Variants in RAF1 observed in about 807,000 individuals in gnomAD.
RAF1 encodes Raf-1 proto-oncogene, serine/threonine kinase, also known as RAF proto-oncogene serine/threonine-protein kinase.
RAF1 carries 27 observed loss-of-function variants against 81.1 expected under a neutral mutation model. The observed-to-expected ratio is 0.33, with a 90% CI of 0.25 to 0.46. RAF1 has a LOEUF of 0.46. Among genes scored for constraint, RAF1 ranks in the 20% least tolerant of loss-of-function variants. The pLI is 1.00. For synonymous variants in RAF1, 298 were observed against 294.0 expected (o/e 1.01, Z -0.14); for missense variants, 598 against 826.0 (o/e 0.72, Z 3.38).
At chr3:12,615,137 C>G (rs2059334264) in intron 2 of RAF1, among the ~76,000 whole-genome samples, 1 of 152,100 alleles carries the variant, frequency 6.6e-6, no homozygotes, top group East Asian at 1.9e-4. Context: ...GGAATAAAGC[C>G]CATTCATACA....
intron 11 of RAF1, among the ~76,000 whole-genome samples, chr3:12,597,507 G>A (rs1173464318): frequency 6.6e-6 from 1 of 152,192 alleles, no homozygotes; most frequent in Admixed American, 6.5e-5. Flanking sequence ...AATATCCATT[G>A]CTCTGCCTCC....
intron 11 of RAF1, among the ~76,000 whole-genome samples, chr3:12,596,903 CT>C (rs145040302): frequency 1.1e-3 from 158 of 146,532 alleles, no homozygotes; most frequent in Non-Finnish European, 1.1e-3. Context: ...AACCTAGAAT[CT>C]TTTTTTTTTT....
chr3:12,629,849 G>T (rs2059811623), intron 1 of RAF1, among the ~76,000 whole-genome samples: 5 of 152,178 alleles, frequency 3.3e-5, no homozygotes, highest in African/African-American at 1.2e-4. Context: ...GCAGTGGCAT[G>T]ATCATGGCTC....
At chr3:12,628,774 C>T in intron 1 of RAF1, among the ~76,000 whole-genome samples, 1 of 142,692 alleles carries the variant, frequency 7.0e-6, no homozygotes, top group Non-Finnish European at 1.5e-5. Context: ...TGGCGGGGCA[C>T]ATGGTCTCAC....
At chr3:12,609,577 T>TG (rs2059146886) in intron 3 of RAF1, among the ~76,000 whole-genome samples, 1 of 152,212 alleles carries the variant, frequency 6.6e-6, no homozygotes, top group African/African-American at 2.4e-5. Flanking sequence ...TAAGGGCCTA[T>TG]GTTGGAATCT....
Position 12,584,961 on chromosome 3 carries a change from T to C in RAF1, c.1749A>G (p.Arg583=), listed in dbSNP as rs1358420019. ...TACTAAGATCTGGGGAGGCATATCC[T>C]CGGCCCACCATGAAGATGATCTAAG... The change falls in exon 17 of 18, where the codon CGA becomes CGG. Residue 583 remains arginine, a synonymous_variant. Coordinates refer to ENST00000442415, the MANE Select transcript of RAF1 (RefSeq NM_001354689.3). 5 of 1,613,998 alleles carry C rather than the reference T, an allele frequency of 3.1e-6. No individual in the cohort carries two copies. The Admixed American group carries it at 8.3e-5, about 27-fold the overall frequency.
Position 12,585,259 on chromosome 3 carries a change from T to C in RAF1, c.1597-6A>G, listed in dbSNP as rs1409860132. On this transcript the variant is annotated splice_region_variant and splice_polypyrimidine_tract_variant and intron_variant, in intron 15 of 17. Transcript: ENST00000442415. ...ATTCGGATCACCTCTGGGGCCTACA[T>C]GTATCACCATATGACAAAAGTGCAT... 2 of 1,613,874 alleles carry C rather than the reference T, an allele frequency of 1.2e-6. No individual in the cohort carries two copies.
chr3:12,612,755 G>C (rs2059255532), intron 2 of RAF1, among the ~76,000 whole-genome samples: 1 of 151,850 alleles, frequency 6.6e-6, no homozygotes, highest in Non-Finnish European at 1.5e-5. Context: ...TGGTTAGAAA[G>C]TGGTTAAGAA....
chr3:12,659,017 G>A (rs1202939862), intron 1 of RAF1, among the ~76,000 whole-genome samples: 4 of 151,966 alleles, frequency 2.6e-5, no homozygotes, highest in Admixed American at 2.6e-4. Context: ...AGTCATTCTG[G>A]GAGAAAAGAA....
At chr3:12,585,453 CA>C (rs966568264) in intron 15 of RAF1, 200 bp from the exon 15 acceptor site, 5 of 984,850 alleles carry the variant, frequency 5.1e-6, no homozygotes, top group Admixed American at 1.2e-4. Context: ...GACCAAGACC[CA>C]GCATTTCTGT....
intron 1 of RAF1, among the ~76,000 whole-genome samples, chr3:12,641,963 T>C (rs2060200805): frequency 6.6e-6 from 1 of 150,926 alleles, no homozygotes; most frequent in Non-Finnish European, 1.5e-5. Context: ...TGGGCCAACA[T>C]GGTGAAACCC....
intron 10 of RAF1, 81 bp downstream of exon 9, chr3:12,600,071 A>G (rs921774199): frequency 9.5e-6 from 15 of 1,577,490 alleles, no homozygotes; most frequent in African/African-American, 2.7e-5. Context: ...TTCTCCCAAA[A>G]TAAGTTTAAG....
chr3:12,604,100 T>C (rs780150871), intron 7 of RAF1, 36 bp downstream of exon 7: 3 of 1,612,386 alleles, frequency 1.9e-6, no homozygotes, highest in Non-Finnish European at 2.5e-6. Context: ...ACCCCATTAA[T>C]TGACTGACAT....
chr3:12,584,479 C>CA lies in RAF1; in HGVS notation c.*34_*35insT. On this transcript the variant is annotated 3_prime_UTR_variant, in exon 18 of 18. Transcript: ENST00000442415. Reference sequence around the variant, plus strand: ...AAGTGGTGCCTGCTGGCTTCTCCTCCTCCCCTGGCAGCCTGAAGACAGGTG... The same window carrying CA: ...AAGTGGTGCCTGCTGGCTTCTCCTCCATCCCCTGGCAGCCTGAAGACAGGTG... 1 of 1,614,044 alleles carries CA rather than the reference C, an allele frequency of 6.2e-7. No homozygotes were observed. The highest frequency in any genetic ancestry group is 1.3e-5 in the African/African-American group (1 of 75,052).
intron 1 of RAF1, among the ~76,000 whole-genome samples, chr3:12,660,303 CTT>C (rs11315063): frequency 4.7e-5 from 7 of 149,034 alleles, no homozygotes; most frequent in Admixed American, 2.0e-4. Flanking sequence ...TGAAGGCACA[CTT>C]TTTTTTTTTG....
At chr3:12,618,230 A>T (rs1292901365) in intron 2 of RAF1, among the ~76,000 whole-genome samples, 8 of 152,374 alleles carry the variant, frequency 5.3e-5, no homozygotes, top group African/African-American at 1.9e-4. Context: ...CTTCTCAAAG[A>T]AAAGTCTTTG....
At chr3:12,639,695 A>G (rs1260067738) in intron 1 of RAF1, among the ~76,000 whole-genome samples, 1 of 152,194 alleles carries the variant, frequency 6.6e-6, no homozygotes, top group Non-Finnish European at 1.5e-5. Context: ...AAGGAGAACT[A>G]CAAACCACTG....
At chr3:12,628,842 C>A (rs2059786853) in intron 1 of RAF1, among the ~76,000 whole-genome samples, 1 of 151,206 alleles carries the variant, frequency 6.6e-6, no homozygotes, top group African/African-American at 2.4e-5. Context: ...ACCTCTGTTT[C>A]CCACATTCAA....
chr3:12,642,470 C>T (rs1317611054), intron 1 of RAF1, among the ~76,000 whole-genome samples: 1 of 151,300 alleles, frequency 6.6e-6, no homozygotes, highest in Non-Finnish European at 1.5e-5. Flanking sequence ...TGAGATCGCG[C>T]CACAGCACTC....
Sources: allele counts gnomAD v4.1 joint callset (sites outside exome capture counted in the v4.1 genomes callset), GRCh38; gene constraint gnomAD v4.1.1; transcripts MANE v1.5; gene names NCBI Gene and HGNC (gene_info 2026-07-23, HGNC 2026-07-21).